IMMP2L: variants seen among roughly 807,000 people sequenced by gnomAD.
IMMP2L encodes mitochondrial inner membrane protease subunit 2.
IMMP2L carries 18 observed loss-of-function variants against 19.3 expected under a neutral mutation model. The observed-to-expected ratio is 0.93, with a 90% CI of 0.64 to 1.38. IMMP2L has a LOEUF of 1.38. IMMP2L is among the 40% of genes most tolerant of loss of function. IMMP2L has a pLI of 0.00. For missense variants in IMMP2L, 233 were observed against 218.2 expected, an observed-to-expected ratio of 1.07 and a Z score of -0.43; for synonymous variants, 76 against 73.0, an observed-to-expected ratio of 1.04 and a Z score of -0.21.
At chr7:110,730,755 G>A (rs1160402705) in intron 5 of IMMP2L, among the ~76,000 whole-genome samples, 1 of 152,052 alleles carries the variant, frequency 6.6e-6, no homozygotes, top group African/African-American at 2.4e-5. Context: ...TTGATCTCCT[G>A]ACCTCGTGAT....
intron 4 of IMMP2L, among the ~76,000 whole-genome samples, chr7:110,909,913 A>T (rs1318571278): frequency 2.7e-5 from 4 of 149,866 alleles, no homozygotes; most frequent in African/African-American, 1.0e-4. Context: ...AGAGAAAGAG[A>T]GAGAGAGATA....
At chr7:110,725,397 C>A (rs2030779) in intron 5 of IMMP2L, among the ~76,000 whole-genome samples, 116,010 of 152,054 alleles carry the variant, frequency 0.76, 44,356 homozygotes, top group East Asian at 0.82. Context: ...TCTTGGCCTC[C>A]TATCCTTTGG....
At chr7:111,409,734 A>G (rs1834230048) in intron 3 of IMMP2L, among the ~76,000 whole-genome samples, 1 of 151,920 alleles carries the variant, frequency 6.6e-6, no homozygotes, top group Non-Finnish European at 1.5e-5. Flanking sequence ...TAAGTGAAAC[A>G]AATAATTATG....
chr7:111,122,052 G>C (rs1035184454), intron 3 of IMMP2L, among the ~76,000 whole-genome samples: 7 of 146,732 alleles, frequency 4.8e-5, no homozygotes, highest in Non-Finnish European at 1.0e-4. Context: ...ACACAGGAAG[G>C]GGAACATCAC....
intron 5 of IMMP2L, among the ~76,000 whole-genome samples, chr7:110,746,452 C>T (rs1797352633): frequency 6.6e-6 from 1 of 152,206 alleles, no homozygotes; most frequent in African/African-American, 2.4e-5. Context: ...ACAGAATATA[C>T]ATTCTTCTCA....
At chr7:110,764,572 A>G (rs1385741639) in intron 5 of IMMP2L, among the ~76,000 whole-genome samples, 1 of 152,144 alleles carries the variant, frequency 6.6e-6, no homozygotes, top group Non-Finnish European at 1.5e-5. Flanking sequence ...AATTAATATC[A>G]ACAAATCCTG....
chr7:111,527,300 C>T (rs1188119865), intron 1 of IMMP2L, among the ~76,000 whole-genome samples: 2 of 151,692 alleles, frequency 1.3e-5, no homozygotes, highest in East Asian at 3.9e-4. Context: ...ACCTGTAGTC[C>T]TATCTACTTG....
intron 3 of IMMP2L, among the ~76,000 whole-genome samples, chr7:111,031,271 A>G (rs941366420): frequency 6.6e-6 from 1 of 151,986 alleles, no homozygotes; most frequent in East Asian, 1.9e-4. Context: ...TCACTCCCCA[A>G]TAAAAGGCAT....
At chr7:111,460,857 C>A (rs1214859796) in intron 3 of IMMP2L, among the ~76,000 whole-genome samples, 6 of 152,026 alleles carry the variant, frequency 3.9e-5, no homozygotes, top group African/African-American at 1.4e-4. Context: ...AATACACCCA[C>A]AAAACTGTAA....
At chr7:110,740,387 T>C (rs9641446) in intron 5 of IMMP2L, among the ~76,000 whole-genome samples, 46,698 of 151,938 alleles carry the variant, frequency 0.31, 8,863 homozygotes, top group East Asian at 0.69. Flanking sequence ...ATCAGAGATA[T>C]TACAACTGAT....
chr7:110,839,587 A>G (rs1429827436), intron 5 of IMMP2L, among the ~76,000 whole-genome samples: 1 of 152,092 alleles, frequency 6.6e-6, no homozygotes, highest in Non-Finnish European at 1.5e-5. Flanking sequence ...AGACAGTGCA[A>G]TGAAGTTTAT....
intron 3 of IMMP2L, among the ~76,000 whole-genome samples, chr7:111,387,261 G>C (rs866855273): frequency 6.6e-6 from 1 of 151,972 alleles, no homozygotes; most frequent in African/African-American, 2.4e-5. Flanking sequence ...TTTTAACTTT[G>C]GCTCATTTCC....
intron 3 of IMMP2L, among the ~76,000 whole-genome samples, chr7:110,987,892 T>C (rs2129559052): frequency 6.6e-6 from 1 of 152,236 alleles, no homozygotes; most frequent in African/African-American, 2.4e-5. Context: ...CTCCCCCAAA[T>C]AGTCTACTAA....
At chr7:111,165,908 A>G (rs962765759) in intron 3 of IMMP2L, among the ~76,000 whole-genome samples, 5 of 152,084 alleles carry the variant, frequency 3.3e-5, no homozygotes, top group African/African-American at 1.2e-4. Flanking sequence ...ATTAATATTA[A>G]TGATTGCTCT....
chr7:111,159,932 A>G (rs1200312157), intron 3 of IMMP2L, among the ~76,000 whole-genome samples: 2 of 152,040 alleles, frequency 1.3e-5, no homozygotes, highest in Non-Finnish European at 2.9e-5. Context: ...GGCACATCTC[A>G]ATTCAGACTA....
At chr7:111,251,947 T>C (rs1361783533) in intron 3 of IMMP2L, among the ~76,000 whole-genome samples, 1 of 152,080 alleles carries the variant, frequency 6.6e-6, no homozygotes, top group African/African-American at 2.4e-5. Context: ...ACGAGTTTTA[T>C]TCCCTAATAT....
intron 3 of IMMP2L, among the ~76,000 whole-genome samples, chr7:111,212,327 G>A (rs572492617): frequency 1.3e-4 from 20 of 152,210 alleles, no homozygotes; most frequent in Non-Finnish European, 2.8e-4. Context: ...CAATAATTAC[G>A]GCCGGATGCA....
intron 3 of IMMP2L, among the ~76,000 whole-genome samples, chr7:110,981,413 G>A (rs903358182): frequency 2.6e-5 from 4 of 151,862 alleles, no homozygotes; most frequent in South Asian, 2.1e-4. Context: ...ATAGGAAACC[G>A]TGCTAAAACT....
chr7:111,252,850 A>T (rs2129632573), intron 3 of IMMP2L, among the ~76,000 whole-genome samples: 1 of 152,292 alleles, frequency 6.6e-6, no homozygotes, highest in East Asian at 1.9e-4. Flanking sequence ...TTAGAGTTTT[A>T]CTCAACATTA....
Sources: gnomAD v4.1 joint callset for allele counts (sites outside exome capture counted in the v4.1 genomes callset) on GRCh38, gnomAD v4.1.1 for gene constraint, MANE v1.5 for transcripts, NCBI Gene and HGNC (gene_info 2026-07-23, HGNC 2026-07-21) for gene names.